RANBP6: variants seen among roughly 807,000 people sequenced by gnomAD.
RANBP6 encodes RAN binding protein 6.
RANBP6 carries 10 observed loss-of-function variants against 35.3 expected under a neutral mutation model. The observed-to-expected ratio is 0.28, with a 90% CI of 0.17 to 0.48. RANBP6 has a LOEUF of 0.48. Among genes scored for constraint, RANBP6 ranks in the 20% least tolerant of loss-of-function variants. The pLI, the probability that RANBP6 is intolerant of heterozygous loss-of-function variation, is 0.99. For synonymous variants in RANBP6, 514 were observed against 464.2 expected (o/e 1.11, Z -1.38); for missense variants, 1,392 against 1,307.7 (o/e 1.06, Z -0.99).
chr9:6,014,356 C>A lies in RANBP6; in HGVS notation c.1252G>T (p.Asp418Tyr). ...GCAGCCCTCACCCTTGGATGAGGAT[C>A]CTGAAGAAAAAGCAAAACGGAGTTA... is the stretch of plus-strand genomic sequence containing the variant. The part of the protein sequence containing the change: ...TVNSVLLFLQ[D>Y]PHPRVRAAAC... Residue 418 changes from aspartate to tyrosine, a missense_variant, in exon 1 of 1, where the codon GAT becomes TAT. Transcript: ENST00000259569. 3 of 1,613,696 alleles carry A rather than the reference C, an allele frequency of 1.9e-6. No individual in the cohort carries two copies. Among genetic ancestry groups the A allele is most frequent in the South Asian group, 1.1e-5 (1 of 91,072 alleles).
In RANBP6 at chr9:6,012,553, G is replaced by T. The variant is rs1161301816; in HGVS notation, c.3055C>A (p.Gln1019Lys). ...PLHEDKEEAI[Q>K]TLSFLCDLIE... ...AGGTCACAGAGAAAACTCAAAGTCT[G>T]AATAGCTTCCTCTTTATCTTCATGC... The change falls in exon 1 of 1, where the codon CAG (glutamine) becomes AAG (lysine). Residue 1019 changes from glutamine (Q) to lysine (K), a missense_variant. Coordinates refer to ENST00000259569, the MANE Select transcript of RANBP6 (RefSeq NM_012416.4). The T allele has an allele frequency of 6.2e-7, 1 of 1,613,756 alleles. No homozygotes were observed. The highest frequency in any genetic ancestry group is 8.5e-7 in the Non-Finnish European group (1 of 1,179,924).
rs1448391183 is a variant in RANBP6, at chr9:6,013,965, T to C, written c.1643A>G (p.His548Arg). Reference sequence around the variant, plus strand: ...CTTCTGAACAGCAAGCTCAACAATGTGCTTTAGTGAGGGCATGAATATATC... The same window carrying C: ...CTTCTGAACAGCAAGCTCAACAATGCGCTTTAGTGAGGGCATGAATATATC... ...YYDIFMPSLK[H>R]IVELAVQKEL... The change falls in exon 1 of 1, where the codon CAC (histidine) becomes CGC (arginine). Residue 548 changes from histidine to arginine, a missense_variant. Coordinates refer to ENST00000259569, the MANE Select transcript of RANBP6 (RefSeq NM_012416.4). 4 of 1,613,848 alleles carry C rather than the reference T, an allele frequency of 2.5e-6. No individual in the cohort carries two copies. The highest frequency in any genetic ancestry group is 1.3e-5 in the African/African-American group (1 of 74,942).
chr9:6,014,954 A>G lies in RANBP6; in HGVS notation c.654T>C (p.Leu218=). 1 of 1,614,262 alleles carries G rather than the reference A, an allele frequency of 6.2e-7. No individual in the cohort carries two copies. Among genetic ancestry groups the G allele is most frequent in the South Asian group, 1.1e-5 (1 of 91,080 alleles). ...FVLANENNIA[L]FKDFADLLPG... ...GAAGCAAGTCTGCAAAGTCTTTGAA[A>G]AGAGCAATATTATTCTCATTAGCAA... Residue 218 remains leucine, a synonymous_variant, in exon 1 of 1, where the codon CTT becomes CTC. Transcript: ENST00000259569.
rs201021288 is a variant in RANBP6 at position 6,014,110 on chromosome 9, C to T, written c.1498G>A (p.Val500Ile). 23 of 1,613,852 alleles carry T rather than the reference C, an allele frequency of 1.4e-5. No homozygotes were observed. The highest frequency in any genetic ancestry group is 1.6e-4 in the Middle Eastern group (1 of 6,078). Reference sequence around the variant, plus strand: ...AACTCTTGAAGTTTAATCACCAAGACGGAATGTAGATTTTTCACCATACTA... The same window carrying T: ...AACTCTTGAAGTTTAATCACCAAGATGGAATGTAGATTTTTCACCATACTA... ...VDSMVKNLHS[V>I]LVIKLQELIR... Residue 500 changes from valine (V) to isoleucine (I), a missense_variant, in exon 1 of 1, where the codon GTC becomes ATC. By Grantham distance (29) the Val-to-Ile change is conservative. Transcript: ENST00000259569.
rs146563217 is a variant in RANBP6 at position 6,014,375 on chromosome 9, G to A, written c.1233C>T (p.Ser411=). The A allele has an allele frequency of 4.9e-5, 79 of 1,613,780 alleles. No individual in the cohort carries two copies. The East Asian group carries it at 1.4e-3, about 29-fold the overall frequency. The change falls in exon 1 of 1, where the codon TCC becomes TCT. Residue 411 remains serine (S), a synonymous_variant. Coordinates refer to ENST00000259569, the MANE Select transcript of RANBP6 (RefSeq NM_012416.4). ...GAGGATCCTGAAGAAAAAGCAAAAC[G>A]GAGTTAACTGTTTCATCTAGAATTG... is the stretch of plus-strand genomic sequence containing the variant. ...MESILDETVN[S]VLLFLQDPHP...
rs770559276 is a variant in RANBP6 at position 6,015,565 on chromosome 9, C to A, written c.43G>T (p.Glu15Ter). The change falls in exon 1 of 1, where the codon GAA becomes TAA. Residue 15 changes from glutamate (E) to a stop codon, truncating the protein, a stop_gained. Transcript: ENST00000259569. LOFTEE classifies it low-confidence loss of function (END_TRUNC). Reference protein sequence around the residue: ...ASAGVPATVSEKQEFYQLLKN... With the variant: ...ASAGVPATVS ...AGAAGCTGGTAAAACTCTTGCTTTTCTGACACGGTCGCCGGCACCCCTGCA... is the reference window on the plus strand; with the variant it reads ...AGAAGCTGGTAAAACTCTTGCTTTTATGACACGGTCGCCGGCACCCCTGCA... The A allele has an allele frequency of 6.2e-7, 1 of 1,606,260 alleles. No homozygotes were observed. The highest frequency in any genetic ancestry group is 8.5e-7 in the Non-Finnish European group (1 of 1,179,418).
chr9:6,012,611 T>A lies in RANBP6; in HGVS notation c.2997A>T (p.Glu999Asp), dbSNP rs1193570928. 1 of 1,614,004 alleles carries A rather than the reference T, an allele frequency of 6.2e-7. No individual in the cohort carries two copies. Among genetic ancestry groups the A allele is most frequent in the Non-Finnish European group, 8.5e-7 (1 of 1,180,008 alleles). ...GCCATGATAACCAGTGTGGAAGAAC[T>A]TCATCTACATTTACACAGTTAGGCT... ...KFKPNCVNVD[E>D]VLPHWLSWLP... Residue 999 changes from glutamate (E) to aspartate (D), a missense_variant, in exon 1 of 1, where the codon GAA (glutamate) becomes GAT (aspartate). Glu to Asp is a conservative substitution (Grantham distance 45). Transcript: ENST00000259569.
Position 6,014,690 on chromosome 9 carries a change from T to G in RANBP6, c.918A>C (p.Thr306=), listed in dbSNP as rs755669249. The G allele has an allele frequency of 1.2e-6, 2 of 1,614,178 alleles. No homozygotes were observed. Among genetic ancestry groups the G allele is most frequent in the South Asian group, 1.1e-5 (1 of 91,088 alleles). Residue 306 remains threonine (T), a synonymous_variant, in exon 1 of 1, where the codon ACA becomes ACC. Transcript: ENST00000259569. ...ETATPMLKKH[T]NIIAQAVPHI... is the part of the protein sequence containing the mutation. ...GAGGAACTGCCTGTGCAATAATATT[T>G]GTATGTTTTTTCAACATCGGAGTGG... is the stretch of plus-strand genomic sequence containing the variant.
In RANBP6 at chr9:6,014,262, G is replaced by A. The variant is rs770222827; in HGVS notation, c.1346C>T (p.Thr449Ile). The A allele has an allele frequency of 3.1e-6, 5 of 1,614,224 alleles. No individual in the cohort carries two copies. The highest frequency in any genetic ancestry group is 4.2e-6 in the Non-Finnish European group (5 of 1,180,030). ...APNFQKKFHE[T>I]VIAALLRTME... ...GGTACGTAACAGAGCTGCAATCACT[G>A]TTTCATGAAATTTCTTTTGGAAATT... The change falls in exon 1 of 1, where the codon ACA (threonine) becomes ATA (isoleucine). Residue 449 changes from threonine to isoleucine, a missense_variant. Transcript: ENST00000259569.
chr9:6,011,381 T>G lies in RANBP6; in HGVS notation c.*909A>C, dbSNP rs1351866809. ...TTTCCAATAGAATACTCTTCAGTTCTACTCTAGAATCTCTTAGGAAATTAT... is the reference window on the plus strand; with the variant it reads ...TTTCCAATAGAATACTCTTCAGTTCGACTCTAGAATCTCTTAGGAAATTAT... On this transcript the variant is annotated 3_prime_UTR_variant, in exon 1 of 1. Transcript: ENST00000259569. 1 of 152,246 alleles carries G rather than the reference T, an allele frequency of 6.6e-6. No individual in the cohort carries two copies. Among genetic ancestry groups the G allele is most frequent in the Non-Finnish European group, 1.5e-5 (1 of 68,040 alleles). The allele number at this position is 152,246 out of a possible 1,614,324, so 9.4% of individuals were successfully genotyped here. A position where few individuals can be genotyped will look rare whatever the true frequency, so the allele number is the denominator to read the frequency against.
chr9:6,012,431 A>G lies in RANBP6; in HGVS notation c.3177T>C (p.Ile1059=), dbSNP rs376886559. 2 of 1,613,882 alleles carry G rather than the reference A, an allele frequency of 1.2e-6. No homozygotes were observed. Among genetic ancestry groups the G allele is most frequent in the Non-Finnish European group, 8.5e-7 (1 of 1,179,916 alleles). The change falls in exon 1 of 1, where the codon ATT becomes ATC. Residue 1059 remains isoleucine (I), a synonymous_variant. Transcript: ENST00000259569. ...IIAEGKINET[I]NYEDPCAKRL... is the part of the protein sequence containing the mutation. Reference sequence around the variant, plus strand: ...GTTTGGCACAAGGATCCTCATAGTTAATAGTCTCATTAATTTTTCCTTCTG... The same window carrying G: ...GTTTGGCACAAGGATCCTCATAGTTGATAGTCTCATTAATTTTTCCTTCTG...
Position 6,012,880 on chromosome 9 carries a change from A to AT in RANBP6, c.2727dup (p.Tyr910IlefsTer16). The stretch of plus-strand genomic sequence containing the variant: ...ATTGGCCACCGAAAATATTCTACAT[A>AT]TTTAAATGAAGTTGGACTGCAGTGC... On this transcript the variant is annotated frameshift_variant, in exon 1 of 1. Coordinates refer to ENST00000259569, the MANE Select transcript of RANBP6 (RefSeq NM_012416.4). LOFTEE classifies it high-confidence loss of function. 1 of 1,614,118 alleles carries AT rather than the reference A, an allele frequency of 6.2e-7. No homozygotes were observed.
Position 6,014,025 on chromosome 9 carries a change from G to C in RANBP6, c.1583C>G (p.Ala528Gly). Residue 528 changes from alanine to glycine, a missense_variant, in exon 1 of 1, where the codon GCA (alanine) becomes GGA (glycine). Ala to Gly is a moderately conservative substitution (Grantham distance 60). Coordinates refer to ENST00000259569, the MANE Select transcript of RANBP6 (RefSeq NM_012416.4). ...EQLVTTIASV[A>G]DTIEEKFVPY... ...GACAAATTTTTCTTCTATTGTATCT[G>C]CAACTGATGCAATGGTTGTCACAAG... 1.2e-6 allele frequency: 2 copies of C among 1,613,744 alleles called. No individual in the cohort carries two copies. Among genetic ancestry groups the C allele is most frequent in the Non-Finnish European group, 8.5e-7 (1 of 1,179,898 alleles).
chr9:6,015,096 C>A lies in RANBP6; in HGVS notation c.512G>T (p.Gly171Val), dbSNP rs759206746. Residue 171 changes from glycine to valine, a missense_variant, in exon 1 of 1, where the codon GGG becomes GTG. By Grantham distance (109) the Gly-to-Val change is moderately radical. Coordinates refer to ENST00000259569, the MANE Select transcript of RANBP6 (RefSeq NM_012416.4). ...ATCCAAATCATGCCGCTCTTGGGTCCCAAAAATCCCAGGAAAGTGCCAGAA... is the reference window on the plus strand; with the variant it reads ...ATCCAAATCATGCCGCTCTTGGGTCACAAAAATCCCAGGAAAGTGCCAGAA... ...HVFWHFPGIFGTQERHDLDII... is the reference protein window; with the variant it reads ...HVFWHFPGIFVTQERHDLDII... 6.2e-7 allele frequency: 1 copy of A among 1,614,082 alleles called. No homozygotes were observed. Among genetic ancestry groups the A allele is most frequent in the Non-Finnish European group, 8.5e-7 (1 of 1,180,030 alleles).
In RANBP6 at chr9:6,014,484, A is replaced by C. The variant is rs754372087; in HGVS notation, c.1124T>G (p.Leu375Arg). The part of the protein sequence containing the change: ...PMTKEHIMQM[L>R]QSPDWKYRHA... ...TCGATACTTCCAGTCAGGGCTCTGA[A>C]GCATCTGCATGATATGCTCCTTGGT... The change falls in exon 1 of 1, where the codon CTT (leucine) becomes CGT (arginine). Residue 375 changes from leucine to arginine, a missense_variant. Transcript: ENST00000259569. 6.2e-7 allele frequency: 1 copy of C among 1,614,204 alleles called. No individual in the cohort carries two copies. The highest frequency in any genetic ancestry group is 1.7e-5 in the Admixed American group (1 of 60,030).
chr9:6,013,900 T>C lies in RANBP6; in HGVS notation c.1708A>G (p.Ser570Gly). Reference sequence around the variant, plus strand: ...TTCCCAACAGCAAGACCAATATGGCTAATGCACTCGATAGTTTTTCCTCTC... The same window carrying C: ...TTCCCAACAGCAAGACCAATATGGCCAATGCACTCGATAGTTTTTCCTCTC... ...LLRGKTIECI[S>G]HIGLAVGKEK... Residue 570 changes from serine (S) to glycine (G), a missense_variant, in exon 1 of 1, where the codon AGC (serine) becomes GGC (glycine). By Grantham distance (56) the Ser-to-Gly change is moderately conservative. Transcript: ENST00000259569. 2.5e-6 allele frequency: 4 copies of C among 1,614,046 alleles called. No homozygotes were observed. The highest frequency in any genetic ancestry group is 3.4e-6 in the Non-Finnish European group (4 of 1,180,000).
In RANBP6 at chr9:6,014,789, T is replaced by C. The variant is rs188110574; in HGVS notation, c.819A>G (p.Leu273=). 4.7e-5 allele frequency: 76 copies of C among 1,614,172 alleles called. No individual in the cohort carries two copies. The highest frequency in any genetic ancestry group is 6.3e-5 in the Non-Finnish European group (74 of 1,180,038). The change falls in exon 1 of 1, where the codon TTA becomes TTG. Residue 273 remains leucine, a synonymous_variant. Transcript: ENST00000259569. ...GATTACTAAGCCTAGAGTCTCCACA[T>C]AACTTCAAACTCAACTGTAGAGTAT... The part of the protein sequence containing the change: ...LEDTLQLSLK[L]CGDSRLSNLQ...
chr9:6,015,511 C>A lies in RANBP6; in HGVS notation c.97G>T (p.Val33Leu), dbSNP rs750553940. 1.9e-6 allele frequency: 3 copies of A among 1,613,636 alleles called. No homozygotes were observed. Among genetic ancestry groups the A allele is most frequent in the South Asian group, 2.2e-5 (2 of 91,086 alleles). Residue 33 changes from valine to leucine, a missense_variant, in exon 1 of 1, where the codon GTG becomes TTG. Val to Leu is a conservative substitution (Grantham distance 32). Coordinates refer to ENST00000259569, the MANE Select transcript of RANBP6 (RefSeq NM_012416.4). Reference protein sequence around the residue: ...LKNLINPSCMVRRQAEEIYEN... With the variant: ...LKNLINPSCMLRRQAEEIYEN... ...TAGATTTCCTCTGCTTGCCTCCGCA[C>A]CATACAGCTTGGATTGATCAGGTTC... is the stretch of plus-strand genomic sequence containing the variant.
rs1842493988 is a variant in RANBP6 at position 6,012,621 on chromosome 9, T to A, written c.2987A>T (p.Asn996Ile). 6.2e-7 allele frequency: 1 copy of A among 1,613,948 alleles called. No individual in the cohort carries two copies. Among genetic ancestry groups the A allele is most frequent in the African/African-American group, 1.3e-5 (1 of 74,920 alleles). Residue 996 changes from asparagine (N) to isoleucine (I), a missense_variant, in exon 1 of 1, where the codon AAT (asparagine) becomes ATT (isoleucine). By Grantham distance (149) the Asn-to-Ile change is moderately radical (BLOSUM62 -3). Transcript: ENST00000259569. ...CCAGTGTGGAAGAACTTCATCTACA[T>A]TTACACAGTTAGGCTTAAACTTCAA... is the stretch of plus-strand genomic sequence containing the variant. ...KILKFKPNCV[N>I]VDEVLPHWLS...
Sources: allele counts gnomAD v4.1 joint callset, GRCh38; gene constraint gnomAD v4.1.1; transcripts MANE v1.5; gene names NCBI Gene and HGNC (gene_info 2026-07-23, HGNC 2026-07-21).